BZW2: variants seen among roughly 807,000 people sequenced by gnomAD.
The protein encoded by BZW2 is basic leucine zipper and W2 domains 2, also known as eIF5-mimic protein 1.
A neutral mutation model predicts 53.2 loss-of-function variants in BZW2; 23 were observed. The observed-to-expected ratio is 0.43, with a 90% CI of 0.31 to 0.61. The LOEUF (loss-of-function observed/expected upper bound fraction) is 0.61. BZW2 is among the 20% of genes least tolerant of loss of function. The pLI is 0.09. For synonymous variants in BZW2, 227 were observed against 186.4 expected, an observed-to-expected ratio of 1.22 and a Z score of -1.77; for missense variants, 409 against 503.1, an observed-to-expected ratio of 0.81 and a Z score of 1.79.
At chr7:16,701,583 A>C (rs771307987) in intron 10 of BZW2, among the ~76,000 whole-genome samples, 10 of 152,190 alleles carry the variant, frequency 6.6e-5, no homozygotes, top group Non-Finnish European at 1.3e-4. Flanking sequence ...GTTTCAGACT[A>C]AGTTTCTAAA....
In BZW2 at chr7:16,704,618, T is replaced by C; in HGVS notation, c.1180T>C (p.Phe394Leu). Residue 394 changes from phenylalanine (F) to leucine (L), a missense_variant, in exon 11 of 12, where the codon TTT becomes CTT. Around this residue, in one of 3 missense-constraint regions of BZW2, gnomAD observed 88 missense variants for 114.6 expected, o/e 0.77. Transcript: ENST00000258761. ...EAHVAKGKSV[F>L]LDQMKKFVEW... ...ACATGTTGCTAAAGGCAAAAGTGTT[T>C]TTCTTGACCAGATGAAGAAATTTGT... The C allele has an allele frequency of 1.3e-6, 2 of 1,594,336 alleles. No homozygotes were observed. The highest frequency in any genetic ancestry group is 1.7e-6 in the Non-Finnish European group (2 of 1,164,950).
chr7:16,662,136 G>A (rs920960497), intron 1 of BZW2: 2 of 152,104 alleles, frequency 1.3e-5, no homozygotes, highest in Non-Finnish European at 2.9e-5. Flanking sequence ...GCAGATTATA[G>A]TGTAGCATGA....
chr7:16,699,017 G>GAA (rs1224903260), intron 10 of BZW2, among the ~76,000 whole-genome samples: 1 of 152,108 alleles, frequency 6.6e-6, no homozygotes, highest in Non-Finnish European at 1.5e-5. Flanking sequence ...TGGGAATTTG[G>GAA]AAAATAAAGG....
chr7:16,658,664 C>T (rs1329947276), intron 1 of BZW2, among the ~76,000 whole-genome samples: 1 of 151,944 alleles, frequency 6.6e-6, no homozygotes. Flanking sequence ...ATCATGAGGT[C>T]AGGAGATTGA....
chr7:16,684,910 A>T (rs1211670501), intron 5 of BZW2, among the ~76,000 whole-genome samples: 2 of 152,172 alleles, frequency 1.3e-5, no homozygotes, highest in Non-Finnish European at 2.9e-5. Context: ...ATATTTTCTT[A>T]TCCCCTACAC....
intron 6 of BZW2, 134 bp downstream of exon 6, chr7:16,686,174 G>A: frequency 7.4e-7 from 1 of 1,354,870 alleles, no homozygotes; most frequent in Non-Finnish European, 1.0e-6. Flanking sequence ...ATCTTTGTAT[G>A]GGTGTATATT....
intron 2 of BZW2, among the ~76,000 whole-genome samples, chr7:16,667,118 A>C (rs180737816): frequency 3.9e-5 from 6 of 152,168 alleles, no homozygotes; most frequent in Non-Finnish European, 8.8e-5. Context: ...CCCAGTCTCT[A>C]CTAAAAGTAC....
intron 1 of BZW2, among the ~76,000 whole-genome samples, chr7:16,661,469 T>C (rs935205419): frequency 6.6e-6 from 1 of 152,090 alleles, no homozygotes; most frequent in African/African-American, 2.4e-5. Context: ...AGGGACCGAA[T>C]TTGAAAAAGA....
At chr7:16,689,119 G>A (rs1318507572) in intron 6 of BZW2, among the ~76,000 whole-genome samples, 1 of 152,118 alleles carries the variant, frequency 6.6e-6, no homozygotes, top group African/African-American at 2.4e-5. Context: ...CCAGCTACTT[G>A]GGAGGCTGAG....
intron 1 of BZW2, among the ~76,000 whole-genome samples, chr7:16,649,427 A>G (rs1479666211): frequency 6.6e-6 from 1 of 152,186 alleles, no homozygotes; most frequent in Non-Finnish European, 1.5e-5. Context: ...AAGTCTTTAA[A>G]TGTTTTGGAT....
chr7:16,698,922 A>G (rs1244424202), intron 10 of BZW2, among the ~76,000 whole-genome samples: 3 of 152,234 alleles, frequency 2.0e-5, no homozygotes, highest in Non-Finnish European at 4.4e-5. Flanking sequence ...CATAAATATC[A>G]TATCAGAAAA....
At chr7:16,702,770 T>C (rs952364429) in intron 10 of BZW2, among the ~76,000 whole-genome samples, 5 of 152,144 alleles carry the variant, frequency 3.3e-5, no homozygotes, top group Admixed American at 6.5e-5. Flanking sequence ...AAAAAAACAA[T>C]TCTCCTTTCC....
At chr7:16,695,796 C>G (rs951620329) in intron 8 of BZW2, 2 of 152,122 alleles carry the variant, frequency 1.3e-5, no homozygotes, top group South Asian at 4.1e-4. Flanking sequence ...ATGGTTGAAG[C>G]CTGGAGAATG....
In BZW2 at chr7:16,646,211, G is replaced by A; in HGVS notation, c.-85G>A. Reference sequence around the variant, plus strand: ...TCCATTGTCTGCCGCCACTGCTGCTGCTGCTGCTGCTGCCGCTGCTGCTGC... The same window carrying A: ...TCCATTGTCTGCCGCCACTGCTGCTACTGCTGCTGCTGCCGCTGCTGCTGC... On this transcript the variant is annotated 5_prime_UTR_variant, in exon 1 of 12. Coordinates refer to ENST00000258761, the MANE Select transcript of BZW2 (RefSeq NM_014038.3). 2.9e-6 allele frequency: 1 copy of A among 344,338 alleles called. No homozygotes were observed. Among genetic ancestry groups the A allele is most frequent in the Non-Finnish European group, 5.9e-6 (1 of 169,236 alleles). The allele number at this position is 344,338 out of a possible 1,614,324, so 21.3% of individuals were successfully genotyped here.
intron 1 of BZW2, among the ~76,000 whole-genome samples, chr7:16,650,126 A>G (rs907523214): frequency 7.9e-5 from 12 of 152,210 alleles, no homozygotes; most frequent in African/African-American, 2.9e-4. Context: ...TTACACCTAA[A>G]TCTGCAAAGA....
intron 11 of BZW2, among the ~76,000 whole-genome samples, chr7:16,705,702 A>G (rs1163731942): frequency 1.3e-5 from 2 of 149,686 alleles, no homozygotes; most frequent in African/African-American, 4.9e-5. Context: ...AAAAAAAAAA[A>G]GAATAAAAAG....
Position 16,689,931 on chromosome 7 carries a change from T to C in BZW2, c.651+25T>C, listed in dbSNP as rs746163227. ...TGTAAGTGTTTTCTGGTTAAAGAGT[T>C]GTATGTATGATGCCTTTCTTGGAGC... On this transcript the variant is annotated intron_variant, in intron 7 of 11. Coordinates refer to ENST00000258761, the MANE Select transcript of BZW2 (RefSeq NM_014038.3). 4.5e-6 allele frequency: 7 copies of C among 1,571,458 alleles called. No homozygotes were observed. In the African/African-American group the frequency reaches 5.4e-5, roughly 12 times the overall value.
At chr7:16,678,298 C>G (rs1251384140) in intron 3 of BZW2, among the ~76,000 whole-genome samples, 6 of 151,902 alleles carry the variant, frequency 3.9e-5, no homozygotes, top group Non-Finnish European at 8.8e-5. Flanking sequence ...CTCAGGTGAT[C>G]TGTCCCAAAG....
intron 1 of BZW2, among the ~76,000 whole-genome samples, chr7:16,659,174 TCTTTA>T (rs1446379198): frequency 1.3e-5 from 2 of 152,104 alleles, no homozygotes; most frequent in Admixed American, 6.6e-5. Flanking sequence ...AATGGTGGAC[TCTTTA>T]CTTGTGCCAA....
Sources: allele counts gnomAD v4.1 joint callset (sites outside exome capture counted in the v4.1 genomes callset), GRCh38; gene constraint gnomAD v4.1.1; regional missense constraint gnomAD v4.1.1; transcripts MANE v1.5; gene names NCBI Gene and HGNC (gene_info 2026-07-23, HGNC 2026-07-21).